The following PRKN variants were observed in gnomAD, a reference collection of about 807,000 sequenced individuals.
The protein encoded by PRKN is E3 ubiquitin-protein ligase parkin.
PRKN carries 56 observed loss-of-function variants against 59.5 expected under a neutral mutation model. That is an observed-to-expected ratio of 0.94 (90% CI 0.76 to 1.18). The LOEUF (loss-of-function observed/expected upper bound fraction) is 1.18, where lower values mean the gene tolerates loss of function less well. Ranked by LOEUF, PRKN falls within the 50% of genes most tolerant of loss-of-function variation. The pLI, the probability that PRKN is intolerant of heterozygous loss-of-function variation, is 0.00. For synonymous variants in PRKN, 250 were observed against 222.1 expected, an observed-to-expected ratio of 1.13 and a Z score of -1.12; for missense variants, 657 against 596.4, an observed-to-expected ratio of 1.10 and a Z score of -1.06.
At chr6:162,655,859 C>T (rs1778623140) in intron 1 of PRKN, among the ~76,000 whole-genome samples, 1 of 152,060 alleles carries the variant, frequency 6.6e-6, no homozygotes, top group African/African-American at 2.4e-5. Context: ...GATAACTATG[C>T]TGAGTGAAAT....
rs537187458 is a variant in PRKN at position 161,470,502 on chromosome 6, G to A, written c.1083+78352C>T. Reference sequence around the variant, plus strand: ...CTGGATTACCTGAGAAGCACTCCCAGTCTAACCCTTTGACCCACTCAAGAG... The same window carrying A: ...CTGGATTACCTGAGAAGCACTCCCAATCTAACCCTTTGACCCACTCAAGAG... On this transcript the variant is annotated intron_variant, in intron 9 of 11. Transcript: ENST00000366898. This position sits in a 1 kb window ranked among gnomAD's most constrained non-coding sequence, Gnocchi z 5.1. 6.6e-6 allele frequency among the ~76,000 whole-genome samples: 1 copy of A among 152,290 alleles called. No homozygotes were observed. The highest frequency in any genetic ancestry group is 2.1e-4 in the South Asian group (1 of 4,824).
chr6:162,100,170 A>C (rs1779908311), intron 4 of PRKN, among the ~76,000 whole-genome samples: 1 of 152,074 alleles, frequency 6.6e-6, no homozygotes, highest in Non-Finnish European at 1.5e-5. Flanking sequence ...TTCTTTATTC[A>C]TTCATCAGTC....
At chr6:162,450,472 A>C (rs1790571919) in intron 1 of PRKN, among the ~76,000 whole-genome samples, 1 of 148,790 alleles carries the variant, frequency 6.7e-6, no homozygotes, top group Non-Finnish European at 1.5e-5. Flanking sequence ...AACAAAAACA[A>C]CCTCACAGTG....
intron 7 of PRKN, among the ~76,000 whole-genome samples, chr6:161,757,103 A>G (rs1000199191): frequency 2.6e-5 from 4 of 152,250 alleles, no homozygotes; most frequent in Admixed American, 2.6e-4. Context: ...AATAGATCAG[A>G]TATCTTAATA....
intron 9 of PRKN, among the ~76,000 whole-genome samples, chr6:161,522,032 G>A (rs910519374): frequency 5.9e-5 from 9 of 152,136 alleles, no homozygotes; most frequent in Non-Finnish European, 1.2e-4. Context: ...GGGAGGGGTG[G>A]CAGAACGGAT....
At chr6:161,952,559 C>A (rs1780029463) in intron 6 of PRKN, among the ~76,000 whole-genome samples, 1 of 152,160 alleles carries the variant, frequency 6.6e-6, no homozygotes, top group Non-Finnish European at 1.5e-5. Flanking sequence ...GCAGAGGCTG[C>A]AGTGAGCTGA....
intron 9 of PRKN, among the ~76,000 whole-genome samples, chr6:161,490,327 TGC>T (rs1562483201): frequency 3.4e-5 from 5 of 146,666 alleles, no homozygotes; most frequent in South Asian, 2.2e-4. Context: ...CTTGCTTGCT[TGC>T]TTGCTTGCTT....
intron 7 of PRKN, among the ~76,000 whole-genome samples, chr6:161,616,594 AT>A (rs1207031374): frequency 6.6e-6 from 1 of 151,486 alleles, no homozygotes; most frequent in African/African-American, 2.4e-5. Flanking sequence ...CCAGTGTGTG[AT>A]GTTCCCCTCC....
chr6:162,718,892 G>A (rs1778827189), intron 1 of PRKN, among the ~76,000 whole-genome samples: 1 of 152,080 alleles, frequency 6.6e-6, no homozygotes, highest in Non-Finnish European at 1.5e-5. Flanking sequence ...TGATATAAAA[G>A]TCAATACCTA....
intron 1 of PRKN, among the ~76,000 whole-genome samples, chr6:162,504,244 G>C (rs1468199087): frequency 6.6e-6 from 1 of 152,168 alleles, no homozygotes; most frequent in African/African-American, 2.4e-5. Context: ...ATGGAGCTGA[G>C]CATACTTGCT....
chr6:161,482,110 AGTAAAATT>A (rs781590276), intron 9 of PRKN, among the ~76,000 whole-genome samples: 6 of 152,356 alleles, frequency 3.9e-5, no homozygotes, highest in Admixed American at 3.3e-4. Context: ...AACAATCTCA[AGTAAAATT>A]GTTAACAAAA....
At chr6:161,559,093 G>C (rs894737628) in intron 8 of PRKN, among the ~76,000 whole-genome samples, 1 of 139,616 alleles carries the variant, frequency 7.2e-6, no homozygotes, top group Non-Finnish European at 1.6e-5. Context: ...ACAAGCAACA[G>C]ATCATATCCG....
chr6:161,794,475 C>A (rs1035950950), intron 6 of PRKN, among the ~76,000 whole-genome samples: 12 of 152,140 alleles, frequency 7.9e-5, no homozygotes, highest in Non-Finnish European at 1.6e-4. Context: ...CTGATCCCAG[C>A]AGCTCACCCC....
intron 4 of PRKN, among the ~76,000 whole-genome samples, chr6:162,149,428 A>G (rs2128313250): frequency 6.6e-6 from 1 of 152,150 alleles, no homozygotes; most frequent in South Asian, 2.1e-4. Flanking sequence ...CATTTTTAGT[A>G]GAGACAGATT....
intron 5 of PRKN, among the ~76,000 whole-genome samples, chr6:162,011,250 T>C (rs181296295): frequency 0.031 from 2,306 of 75,068 alleles, 505 homozygotes; most frequent in African/African-American, 0.058. Context: ...ATAATATATA[T>C]AATATAGTAT....
In PRKN at chr6:161,584,900, A is replaced by G. The variant is rs1781468268; in HGVS notation, c.872-15484T>C. 6.6e-6 allele frequency among the ~76,000 whole-genome samples: 1 copy of G among 152,190 alleles called. No homozygotes were observed. The highest frequency in any genetic ancestry group is 2.4e-5 in the African/African-American group (1 of 41,442). ...AAACAGCACAAGCCTGGCTGCCGGG[A>G]TGGCTGTATTAGCAATGCAGTGCTA... On this transcript the variant is annotated intron_variant, in intron 7 of 11. Coordinates refer to ENST00000366898, the MANE Select transcript of PRKN (RefSeq NM_004562.3). The surrounding 1 kb of genome is among the most constrained non-coding windows in gnomAD (Gnocchi z 4.8).
At chr6:162,338,789 T>C (rs1165949852) in intron 2 of PRKN, among the ~76,000 whole-genome samples, 1 of 129,330 alleles carries the variant, frequency 7.7e-6, no homozygotes, top group Non-Finnish European at 1.6e-5. Flanking sequence ...CCGGCCGCCA[T>C]CCCATCTAGG....
intron 2 of PRKN, among the ~76,000 whole-genome samples, chr6:162,422,318 ATT>A (rs1789010731): frequency 6.6e-6 from 1 of 152,182 alleles, no homozygotes; most frequent in East Asian, 1.9e-4. Flanking sequence ...TGCTAGAAAA[ATT>A]TACCTGCCCC....
At position 161,596,611 on chromosome 6, in the gene PRKN, AC is replaced by A. The variant is rs1472296715; in HGVS notation, c.872-27196del. 1.8e-4 allele frequency among the ~76,000 whole-genome samples: 27 copies of A among 152,240 alleles called. 1 individual carries two copies. The highest frequency in any genetic ancestry group is 1.5e-3 in the Admixed American group (23 of 15,296). ...CGATATCGACAAGAAACCCCTAGGA[AC>A]ATTTAGCACACACAAAAAAAGCCTA... On this transcript the variant is annotated intron_variant, in intron 7 of 11. Coordinates refer to ENST00000366898, the MANE Select transcript of PRKN (RefSeq NM_004562.3).
Sources: gnomAD v4.1 joint callset for allele counts (sites outside exome capture counted in the v4.1 genomes callset) on GRCh38, gnomAD v4.1.1 for gene constraint, Gnocchi (gnomAD v3.1) non-coding constraint, MANE v1.5 for transcripts, NCBI Gene and HGNC (gene_info 2026-07-23, HGNC 2026-07-21) for gene names.